Variants in MAK observed in about 807,000 individuals in gnomAD.
MAK encodes the protein serine/threonine-protein kinase MAK.
A neutral mutation model predicts 82.6 loss-of-function variants in MAK; 65 were observed. The ratio of observed to expected loss-of-function variants is 0.79; its 90% CI spans 0.64 to 0.97. The LOEUF (loss-of-function observed/expected upper bound fraction) is 0.97. Ranked by LOEUF, MAK falls within the 50% of genes least tolerant of loss-of-function variation. The pLI is 0.00. For missense variants in MAK, 703 were observed against 780.2 expected, an observed-to-expected ratio of 0.90 and a Z score of 1.18; for synonymous variants, 250 against 274.2, an observed-to-expected ratio of 0.91 and a Z score of 0.87.
intron 4 of MAK, among the ~76,000 whole-genome samples, chr6:10,815,709 G>A (rs955054380): frequency 1.3e-5 from 2 of 151,210 alleles, no homozygotes; most frequent in South Asian, 2.1e-4. Context: ...CAATCCTCCC[G>A]CCTTGGCCTC....
rs1310782092 is a variant in MAK, at chr6:10,800,556, C to G, written c.831+1336G>C. Among the ~76,000 whole-genome samples the G allele has an allele frequency of 6.6e-6, 1 of 151,618 alleles. No homozygotes were observed. Among genetic ancestry groups the G allele is most frequent in the Non-Finnish European group, 1.5e-5 (1 of 67,918 alleles). ...TTTTTTACACTTTGAAAATGTAATC[C>G]TGGTCGGGCGCGGTGGCTCACACCT... On this transcript the variant is annotated intron_variant, in intron 8 of 14. Transcript: ENST00000354489. The surrounding 1 kb of genome is among the most constrained non-coding windows in gnomAD (Gnocchi z 4.2).
intron 10 of MAK, among the ~76,000 whole-genome samples, chr6:10,785,665 T>C (rs1774476618): frequency 6.6e-6 from 1 of 152,252 alleles, no homozygotes; most frequent in African/African-American, 2.4e-5. Flanking sequence ...CTAACTGAAA[T>C]TCTACCCATT....
chr6:10,768,351 G>A (rs1772661109), intron 14 of MAK, among the ~76,000 whole-genome samples: 1 of 152,136 alleles, frequency 6.6e-6, no homozygotes, highest in South Asian at 2.1e-4. Flanking sequence ...GCTGAGGCAG[G>A]TGAATCATTT....
chr6:10,770,169 T>A lies in MAK; in HGVS notation c.1734A>T (p.Lys578Asn). The A allele has an allele frequency of 6.2e-7, 1 of 1,614,142 alleles. No homozygotes were observed. Reference protein sequence around the residue: ...QSGYIPSFLKKEVQSAGQRIH... With the variant: ...QSGYIPSFLKNEVQSAGQRIH... ...TCCTCTGGCCAGCTGACTGCACTTC[T>A]TTTTTGAGAAAGGAAGGAATATATC... The change falls in exon 14 of 15, where the codon AAA (lysine) becomes AAT (asparagine). Residue 578 changes from lysine to asparagine, a missense_variant. Lys to Asn is a moderately conservative substitution (Grantham distance 94). Coordinates refer to ENST00000354489, the MANE Select transcript of MAK (RefSeq NM_001242957.3).
intron 11 of MAK, among the ~76,000 whole-genome samples, chr6:10,779,132 A>G (rs1241540411): frequency 1.3e-5 from 2 of 148,860 alleles, no homozygotes; most frequent in South Asian, 2.1e-4. Flanking sequence ...CGTCTCAAAA[A>G]AAAAAAAAAA....
chr6:10,794,439 A>G (rs1479107119), intron 9 of MAK, among the ~76,000 whole-genome samples: 1 of 152,212 alleles, frequency 6.6e-6, no homozygotes, highest in Non-Finnish European at 1.5e-5. Context: ...CATAAGAAGT[A>G]ATTAACAGTA....
rs757905846 is a variant in MAK at position 10,796,094 on chromosome 6, C to T, written c.1047G>A (p.Pro349=). Residue 349 remains proline, a synonymous_variant, in exon 9 of 15, where the codon CCG becomes CCA. Transcript: ENST00000354489. ...TSQQPLQPIQ[P]PQNLSVQQPP... ...GTTGCTGGACGCTCAGGTTCTGTGG[C>T]GGCTGAATGGGCTGCAGTGGCTGCT... 32 of 1,613,940 alleles carry T rather than the reference C, an allele frequency of 2.0e-5. No homozygotes were observed. The highest frequency in any genetic ancestry group is 6.7e-5 in the African/African-American group (5 of 74,892).
At chr6:10,782,495 C>T (rs1258087102) in intron 11 of MAK, among the ~76,000 whole-genome samples, 1 of 152,036 alleles carries the variant, frequency 6.6e-6, no homozygotes, top group Non-Finnish European at 1.5e-5. Flanking sequence ...TGTTTTCTCT[C>T]CCATTCATCT....
At chr6:10,809,741 A>G (rs1344851263) in intron 5 of MAK, among the ~76,000 whole-genome samples, 2 of 152,262 alleles carry the variant, frequency 1.3e-5, no homozygotes, top group Non-Finnish European at 2.9e-5. Flanking sequence ...TGTTTATATT[A>G]GCAATTCAAT....
chr6:10,784,387 T>G (rs778624626), intron 11 of MAK, 37 bp downstream of exon 11: 1 of 1,611,346 alleles, frequency 6.2e-7, no homozygotes, highest in Admixed American at 1.7e-5. Flanking sequence ...CTATCTATAC[T>G]CTAGTTAGCA....
intron 10 of MAK, among the ~76,000 whole-genome samples, chr6:10,791,456 G>A (rs1314820132): frequency 6.6e-6 from 1 of 151,778 alleles, no homozygotes; most frequent in Non-Finnish European, 1.5e-5. Context: ...TAGTAGAGAC[G>A]GGGTTTCACC....
intron 2 of MAK, among the ~76,000 whole-genome samples, chr6:10,825,413 T>C (rs1194477091): frequency 6.6e-6 from 1 of 151,980 alleles, no homozygotes; most frequent in Non-Finnish European, 1.5e-5. Flanking sequence ...CCTCAGACTT[T>C]TTTGTAAGAT....
In MAK at chr6:10,808,959, GA is replaced by G. The variant is rs577019954; in HGVS notation, c.359-18del. ...GAAAAAAGCCTTGATGATATACGGA[GA>G]AAAAAAAATACAGTAAATCATTACG... is the stretch of plus-strand genomic sequence containing the variant. On this transcript the variant is annotated intron_variant, in intron 5 of 14. Transcript: ENST00000354489. 1,052 of 1,583,228 alleles carry G rather than the reference GA, an allele frequency of 6.6e-4. 3 individuals are homozygous for G. The highest frequency in any genetic ancestry group is 3.9e-3 in the Middle Eastern group (23 of 5,974).
rs751429596 is a variant in MAK at position 10,803,927 on chromosome 6, T to C, written c.492-36A>G. On this transcript the variant is annotated intron_variant, in intron 6 of 14. Transcript: ENST00000354489. ...AGAGAACAAAAGAGGTAATTTTGAT[T>C]GCAATTTCAAAGGTGGATGGGCAGT... 15 of 1,594,464 alleles carry C rather than the reference T, an allele frequency of 9.4e-6. 1 individual carries two copies. Among genetic ancestry groups the C allele is most frequent in the African/African-American group, 8.0e-5 (6 of 74,646 alleles).
intron 12 of MAK, among the ~76,000 whole-genome samples, chr6:10,774,270 C>T (rs1773280650): frequency 6.6e-6 from 1 of 151,910 alleles, no homozygotes; most frequent in African/African-American, 2.4e-5. Context: ...TACAATGATT[C>T]ATTGTATATA....
intron 2 of MAK, among the ~76,000 whole-genome samples, chr6:10,821,581 T>G (rs911298003): frequency 2.0e-5 from 3 of 152,172 alleles, no homozygotes; most frequent in African/African-American, 7.2e-5. Flanking sequence ...AGGTCTAGAA[T>G]TTTAAAAGTA....
chr6:10,809,418 C>T (rs927963438), intron 5 of MAK, among the ~76,000 whole-genome samples: 1 of 152,144 alleles, frequency 6.6e-6, no homozygotes, highest in African/African-American at 2.4e-5. Flanking sequence ...CGTAGTGGCT[C>T]GATCTCGGCT....
chr6:10,837,531 G>A (rs1197564781), intron 1 of MAK, among the ~76,000 whole-genome samples: 1 of 152,136 alleles, frequency 6.6e-6, no homozygotes, highest in Admixed American at 6.5e-5. Context: ...TCGAAAAGCT[G>A]GAAAGTCACT....
At chr6:10,803,618 T>G in intron 7 of MAK, 102 bp downstream of exon 7, 1 of 928,742 alleles carries the variant, frequency 1.1e-6, no homozygotes, top group Non-Finnish European at 1.7e-6. Context: ...ATATCAGATA[T>G]CTAGGCAAAA....
Sources: allele counts gnomAD v4.1 joint callset (sites outside exome capture counted in the v4.1 genomes callset), GRCh38; gene constraint gnomAD v4.1.1; non-coding constraint Gnocchi (gnomAD v3.1); transcripts MANE v1.5; gene names NCBI Gene and HGNC (gene_info 2026-07-23, HGNC 2026-07-21).